CUTC: variants seen among roughly 807,000 people sequenced by gnomAD.
CUTC encodes the protein cutC copper transporter.
Under a neutral mutation model 36.2 loss-of-function variants are expected in CUTC, and 27 were observed. The observed-to-expected ratio is 0.75, with a 90% CI of 0.55 to 1.03. CUTC has a LOEUF of 1.03. Among genes scored for constraint, CUTC ranks in the 50% least tolerant of loss-of-function variants. The pLI, the probability that CUTC is intolerant of heterozygous loss-of-function variation, is 0.00. For missense variants in CUTC, 315 were observed against 343.5 expected (o/e 0.92, Z 0.66); for synonymous variants, 114 against 118.3 (o/e 0.96, Z 0.24).
intron 3 of CUTC, among the ~76,000 whole-genome samples, chr10:99,741,836 C>G (rs1180901686): frequency 6.6e-6 from 1 of 152,114 alleles, no homozygotes; most frequent in Non-Finnish European, 1.5e-5. Context: ...CCTCCCAAAG[C>G]ACTGGGATTA....
chr10:99,733,787 G>A (rs1590115452), intron 1 of CUTC, among the ~76,000 whole-genome samples: 1 of 152,328 alleles, frequency 6.6e-6, no homozygotes, highest in Admixed American at 6.5e-5. Flanking sequence ...GAGAACTGCT[G>A]CTGCTTCTCC....
chr10:99,749,794 AT>A (rs944534084), intron 6 of CUTC, among the ~76,000 whole-genome samples: 42 of 151,712 alleles, frequency 2.8e-4, no homozygotes, highest in Non-Finnish European at 4.6e-4. Flanking sequence ...CACTTGCTTT[AT>A]TTTTTCTTTG....
chr10:99,754,610 C>G lies in CUTC; in HGVS notation c.683C>G (p.Thr228Ser), dbSNP rs761726488. Residue 228 changes from threonine (T) to serine (S), a missense_variant, in exon 8 of 9, where the codon ACT (threonine) becomes AGT (serine). By Grantham distance (58) the Thr-to-Ser change is moderately conservative. Coordinates refer to ENST00000370476, the MANE Select transcript of CUTC (RefSeq NM_015960.3). ...ATEFHCSARS[T>S]RDSGMKFRNS... ...GAATTCCACTGTTCTGCTCGGTCTACTAGAGACTCGGGAATGAAGTTTCGG... is the reference window on the plus strand; with the variant it reads ...GAATTCCACTGTTCTGCTCGGTCTAGTAGAGACTCGGGAATGAAGTTTCGG... 5.0e-6 allele frequency: 8 copies of G among 1,612,342 alleles called. No homozygotes were observed. The highest frequency in any genetic ancestry group is 1.7e-5 in the Admixed American group (1 of 59,874).
At chr10:99,734,064 A>ATTTT (rs565604340) in intron 1 of CUTC, among the ~76,000 whole-genome samples, 1 of 103,346 alleles carries the variant, frequency 9.7e-6, no homozygotes, top group African/African-American at 3.7e-5. Flanking sequence ...GACTGATAGT[A>ATTTT]TTTTTTTTTT....
intron 7 of CUTC, among the ~76,000 whole-genome samples, 195 bp from the exon 8 acceptor site, chr10:99,754,334 C>T (rs890785105): frequency 1.3e-5 from 2 of 152,198 alleles, no homozygotes; most frequent in African/African-American, 4.8e-5. Flanking sequence ...CTTAATGGTA[C>T]TTCCCCAGAG....
At chr10:99,744,808 G>A (rs765241114) in intron 5 of CUTC, among the ~76,000 whole-genome samples, 8 of 152,228 alleles carry the variant, frequency 5.3e-5, no homozygotes, top group African/African-American at 9.6e-5. Context: ...AGGCTGGAGT[G>A]CAGTCGCACG....
chr10:99,743,877 AC>A (rs2037358650), intron 4 of CUTC, among the ~76,000 whole-genome samples, 159 bp from the exon 5 acceptor site: 2 of 152,154 alleles, frequency 1.3e-5, no homozygotes, highest in Non-Finnish European at 2.9e-5. Flanking sequence ...GAAAGATAAG[AC>A]TTTTGAATTT....
chr10:99,741,437 G>A (rs184182053), intron 3 of CUTC, among the ~76,000 whole-genome samples: 25 of 152,222 alleles, frequency 1.6e-4, no homozygotes, highest in Non-Finnish European at 2.4e-4. Flanking sequence ...TGCATGCACC[G>A]GTCAGTACTC....
At chr10:99,735,101 C>CAAAAAAAAAAAAAAAAAAAAAAAAAAAAA in intron 1 of CUTC, among the ~76,000 whole-genome samples, 1 of 68,770 alleles carries the variant, frequency 1.5e-5, no homozygotes, top group Non-Finnish European at 2.5e-5. Context: ...GACTCTGTAT[C>CAAAAAAAAAAAAAAAAAAAAAAAAAAAAA]AAAAAAAAAA....
At chr10:99,751,928 C>T (rs1478658063) in intron 7 of CUTC, among the ~76,000 whole-genome samples, 1 of 152,168 alleles carries the variant, frequency 6.6e-6, no homozygotes, top group Non-Finnish European at 1.5e-5. Flanking sequence ...AGATTATTTC[C>T]TCATGATATT....
At chr10:99,751,220 A>G (rs1381500867) in intron 7 of CUTC, among the ~76,000 whole-genome samples, 2 of 151,982 alleles carry the variant, frequency 1.3e-5, no homozygotes, top group African/African-American at 4.8e-5. Context: ...CCATAATGAC[A>G]ATTCCATTAT....
At chr10:99,735,062 A>G (rs1208668941) in intron 1 of CUTC, among the ~76,000 whole-genome samples, 1 of 128,146 alleles carries the variant, frequency 7.8e-6, no homozygotes, top group East Asian at 2.7e-4. Flanking sequence ...AGATCATGCC[A>G]CTGCACTCTA....
intron 2 of CUTC, among the ~76,000 whole-genome samples, chr10:99,738,097 A>G (rs1483936780): frequency 6.6e-6 from 1 of 151,792 alleles, no homozygotes; most frequent in East Asian, 1.9e-4. Flanking sequence ...GTGAGCCGAG[A>G]TCACGCCATT....
chr10:99,733,271 T>C (rs748617335), intron 1 of CUTC, among the ~76,000 whole-genome samples: 2 of 152,034 alleles, frequency 1.3e-5, no homozygotes, highest in Non-Finnish European at 2.9e-5. Context: ...ATCGCGCCAC[T>C]GCACTCCACC....
At chr10:99,734,437 T>C (rs913851211) in intron 1 of CUTC, among the ~76,000 whole-genome samples, 2 of 151,594 alleles carry the variant, frequency 1.3e-5, no homozygotes, top group African/African-American at 4.9e-5. Flanking sequence ...TTTGTTTTAT[T>C]TGTTTTTCAA....
Position 99,755,762 on chromosome 10 carries a change from G to T in CUTC, c.*23G>T, listed in dbSNP as rs770034297. The stretch of plus-strand genomic sequence containing the variant: ...TAGCCAGACCTCTCTGAGAGACATG[G>T]ATATCACAGGATGAAGGTAGAACTA... On this transcript the variant is annotated 3_prime_UTR_variant, in exon 9 of 9. Transcript: ENST00000370476. 19 of 1,391,080 alleles carry T rather than the reference G, an allele frequency of 1.4e-5. No individual in the cohort carries two copies. The highest frequency in any genetic ancestry group is 1.8e-4 in the Middle Eastern group (1 of 5,634). 86.2% of individuals were successfully genotyped at this position (1,391,080 alleles called of 1,614,324 possible). A position where few individuals can be genotyped will look rare whatever the true frequency, so the allele number is the denominator to read the frequency against.
intron 3 of CUTC, 49 bp downstream of exon 3, chr10:99,739,818 G>C (rs770920858): frequency 6.7e-7 from 1 of 1,496,618 alleles, no homozygotes; most frequent in South Asian, 1.2e-5. Flanking sequence ...CATAGAGCCT[G>C]GAAGCAACTG....
Position 99,749,500 on chromosome 10 carries a change from A to G in CUTC, c.574-869A>G, listed in dbSNP as rs189175354. Among the ~76,000 whole-genome samples the G allele has an allele frequency of 4.6e-5, 7 of 152,206 alleles. No individual in the cohort carries two copies. The East Asian group carries it at 1.3e-3, about 29-fold the overall frequency. On this transcript the variant is annotated intron_variant, in intron 6 of 8. Coordinates refer to ENST00000370476, the MANE Select transcript of CUTC (RefSeq NM_015960.3). The stretch of plus-strand genomic sequence containing the variant: ...TATACTTCTAAATAATCTTGTATGG[A>G]AGGCGAAAAGAAATGGTAGAATTCA...
At chr10:99,750,242 A>T (rs1159784757) in intron 6 of CUTC, 127 bp from the exon 7 acceptor site, 1 of 523,844 alleles carries the variant, frequency 1.9e-6, no homozygotes, top group Non-Finnish European at 3.0e-6. Context: ...ATCTAGTAAA[A>T]ATTAAACATT....
Sources: gnomAD v4.1 joint callset for allele counts (sites outside exome capture counted in the v4.1 genomes callset) on GRCh38, gnomAD v4.1.1 for gene constraint, MANE v1.5 for transcripts, NCBI Gene and HGNC (gene_info 2026-07-23, HGNC 2026-07-21) for gene names.